Variants in CCDC141 observed in about 807,000 individuals in gnomAD.
CCDC141 encodes the protein coiled-coil domain containing 141, also known as coiled-coil domain-containing protein 141.
In CCDC141, 168 loss-of-function variants were observed where a neutral mutation model predicts 181.0. The observed-to-expected ratio is 0.93, with a 90% CI of 0.82 to 1.05. The LOEUF (loss-of-function observed/expected upper bound fraction) is 1.05. Among genes scored for constraint, CCDC141 ranks in the 50% least tolerant of loss-of-function variants. The pLI is 0.00. For missense variants in CCDC141, 1,902 were observed against 1,788.5 expected, an observed-to-expected ratio of 1.06 and a Z score of -1.14; for synonymous variants, 666 against 642.3, an observed-to-expected ratio of 1.04 and a Z score of -0.56.
intron 2 of CCDC141, among the ~76,000 whole-genome samples, chr2:179,034,080 C>T (rs994831231): frequency 6.6e-6 from 1 of 152,218 alleles, no homozygotes; most frequent in Admixed American, 6.5e-5. Context: ...ATAGCAAAGA[C>T]ATGGAATCAA....
At chr2:179,009,446 A>T (rs2042205579) in intron 2 of CCDC141, among the ~76,000 whole-genome samples, 1 of 151,938 alleles carries the variant, frequency 6.6e-6, no homozygotes, top group Non-Finnish European at 1.5e-5. Flanking sequence ...CTTTTATCCC[A>T]TGGGGTGTTC....
chr2:179,048,372 G>A (rs74394992), intron 1 of CCDC141, among the ~76,000 whole-genome samples: 6,810 of 152,234 alleles, frequency 0.045, 166 homozygotes, highest in African/African-American at 0.062. Context: ...GGGCTGAGGA[G>A]AGGGTAGTGG....
intron 6 of CCDC141, among the ~76,000 whole-genome samples, chr2:178,925,568 A>G (rs1016694534): frequency 1.3e-5 from 2 of 152,218 alleles, no homozygotes; most frequent in Non-Finnish European, 2.9e-5. Flanking sequence ...TTACACAGGA[A>G]TTCTGGGGAA....
chr2:178,924,267 T>C (rs1308007149), intron 6 of CCDC141, among the ~76,000 whole-genome samples: 10 of 152,208 alleles, frequency 6.6e-5, no homozygotes, highest in Non-Finnish European at 1.0e-4. Flanking sequence ...GGGAGAAGCA[T>C]GTGTTGAGTT....
chr2:178,842,502 A>G (rs1684767667), intron 22 of CCDC141, among the ~76,000 whole-genome samples: 1 of 152,226 alleles, frequency 6.6e-6, no homozygotes, highest in Non-Finnish European at 1.5e-5. Flanking sequence ...TTGCATTTAA[A>G]TCATTGCCCT....
At chr2:178,887,899 A>C (rs1026106372) in intron 9 of CCDC141, among the ~76,000 whole-genome samples, 10 of 152,184 alleles carry the variant, frequency 6.6e-5, no homozygotes, top group African/African-American at 1.4e-4. Context: ...AAAGATAAAT[A>C]ATTTTTTTAT....
At chr2:179,028,619 C>G (rs2042920726) in intron 2 of CCDC141, among the ~76,000 whole-genome samples, 2 of 152,136 alleles carry the variant, frequency 1.3e-5, no homozygotes, top group South Asian at 4.1e-4. Flanking sequence ...TTTTTCTTAT[C>G]CTATAGGATT....
the CCDC141 span, among the ~76,000 whole-genome samples, chr2:178,816,149 C>T: frequency 6.6e-6 from 1 of 152,282 alleles, no homozygotes; most frequent in East Asian, 1.9e-4. Flanking sequence ...CAGTATCATA[C>T]ACAGTAGTTT....
chr2:178,877,781 A>G (rs1451172138), intron 12 of CCDC141, 183 bp downstream of exon 12: 14 of 654,490 alleles, frequency 2.1e-5, no homozygotes, highest in Non-Finnish European at 3.5e-5. Flanking sequence ...TAAACTAACC[A>G]AAGTTCTAGG....
intron 2 of CCDC141, among the ~76,000 whole-genome samples, chr2:179,012,749 T>A (rs777838790): frequency 5.9e-5 from 9 of 151,890 alleles, no homozygotes; most frequent in Non-Finnish European, 8.8e-5. Flanking sequence ...CAACAACATA[T>A]CAAAAAGATA....
intron 4 of CCDC141, among the ~76,000 whole-genome samples, chr2:178,973,614 G>A (rs1038023212): frequency 6.6e-5 from 10 of 152,164 alleles, no homozygotes; most frequent in Admixed American, 1.3e-4. Flanking sequence ...CAACAAAACA[G>A]CATTAAGACT....
chr2:178,845,252 T>C (rs557546128), intron 22 of CCDC141, among the ~76,000 whole-genome samples: 8 of 152,060 alleles, frequency 5.3e-5, no homozygotes, highest in Non-Finnish European at 8.8e-5. Context: ...CTTGGCAATA[T>C]GATAAAAAGG....
intron 4 of CCDC141, among the ~76,000 whole-genome samples, chr2:178,973,206 C>T (rs1291231089): frequency 3.3e-5 from 5 of 152,140 alleles, no homozygotes; most frequent in African/African-American, 1.2e-4. Flanking sequence ...GCATCAACTT[C>T]ATTTTTTTGT....
At chr2:178,863,440 C>T (rs375660599) in intron 17 of CCDC141, among the ~76,000 whole-genome samples, 6 of 152,106 alleles carry the variant, frequency 3.9e-5, no homozygotes, top group Admixed American at 2.6e-4. Context: ...ATCAGTATAA[C>T]GTATCATATT....
chr2:178,872,646 A>G (rs776947759), intron 12 of CCDC141, among the ~76,000 whole-genome samples: 2 of 152,210 alleles, frequency 1.3e-5, no homozygotes, highest in Non-Finnish European at 2.9e-5. Flanking sequence ...GTATACCTAT[A>G]CGCATTTTAA....
At chr2:178,969,450 G>A (rs1173881204) in intron 4 of CCDC141, among the ~76,000 whole-genome samples, 2 of 152,092 alleles carry the variant, frequency 1.3e-5, no homozygotes, top group Non-Finnish European at 2.9e-5. Context: ...TTCATCCCTG[G>A]GATGCAAGGC....
chr2:179,007,340 C>T (rs1452252731), intron 2 of CCDC141, among the ~76,000 whole-genome samples: 1 of 152,116 alleles, frequency 6.6e-6, no homozygotes, highest in Admixed American at 6.6e-5. Context: ...ACACAGAGAC[C>T]TAATCCACAT....
At chr2:178,936,957 C>T (rs1689316522) in intron 6 of CCDC141, among the ~76,000 whole-genome samples, 1 of 152,082 alleles carries the variant, frequency 6.6e-6, no homozygotes, top group Admixed American at 6.6e-5. Context: ...TATCCTGAAA[C>T]TTTGCTGAAG....
Position 178,872,117 on chromosome 2 carries a change from T to C in CCDC141, c.2079+16A>G, listed in dbSNP as rs755099849. 5.0e-6 allele frequency: 8 copies of C among 1,611,002 alleles called. No homozygotes were observed. The highest frequency in any genetic ancestry group is 1.6e-4 in the Middle Eastern group (1 of 6,064). On this transcript the variant is annotated intron_variant, in intron 13 of 23. Coordinates refer to ENST00000443758, the MANE Select transcript of CCDC141 (RefSeq NM_173648.4). The stretch of plus-strand genomic sequence containing the variant: ...GAATTTCATTCCTTTTCACATCCCA[T>C]TGTTCCTTGCCTCACCTTTTTAAGT...
Sources: allele counts gnomAD v4.1 joint callset (sites outside exome capture counted in the v4.1 genomes callset), GRCh38; gene constraint gnomAD v4.1.1; transcripts MANE v1.5; gene names NCBI Gene and HGNC (gene_info 2026-07-23, HGNC 2026-07-21).